Variants in WWP1 observed in about 807,000 individuals in gnomAD.
WWP1 encodes the protein WW domain containing E3 ubiquitin protein ligase 1, also known as NEDD4-like E3 ubiquitin-protein ligase WWP1.
Under a neutral mutation model 130.6 loss-of-function variants are expected in WWP1, and 49 were observed. The ratio of observed to expected loss-of-function variants is 0.38; its 90% CI spans 0.30 to 0.48. The LOEUF (loss-of-function observed/expected upper bound fraction) is 0.48, where lower values mean the gene tolerates loss of function less well. Among genes scored for constraint, WWP1 ranks in the 20% least tolerant of loss-of-function variants. The pLI is 0.99. For synonymous variants in WWP1, 332 were observed against 367.8 expected (o/e 0.90, Z 1.11); for missense variants, 809 against 1,100.6 (o/e 0.74, Z 3.75).
intron 5 of WWP1, among the ~76,000 whole-genome samples, chr8:86,384,736 C>G (rs1230906517): frequency 1.3e-5 from 2 of 152,048 alleles, no homozygotes; most frequent in African/African-American, 2.4e-5. Flanking sequence ...GGTGGTGGCT[C>G]ACACCTGTAA....
chr8:86,421,990 A>G (rs191801749), intron 9 of WWP1, among the ~76,000 whole-genome samples: 1 of 152,244 alleles, frequency 6.6e-6, no homozygotes, highest in Admixed American at 6.5e-5. Flanking sequence ...GTGCAGGACA[A>G]CTTATCAAAA....
At position 86,435,508 on chromosome 8, in the gene WWP1, A is replaced by G; in HGVS notation, c.1658A>G (p.His553Arg). 6.2e-7 allele frequency: 1 copy of G among 1,614,156 alleles called. No individual in the cohort carries two copies. Among genetic ancestry groups the G allele is most frequent in the Non-Finnish European group, 8.5e-7 (1 of 1,180,016 alleles). The change falls in exon 15 of 25, where the codon CAC becomes CGC. Residue 553 changes from histidine (H) to arginine (R), a missense_variant. Coordinates refer to ENST00000517970, the MANE Select transcript of WWP1 (RefSeq NM_007013.4). Reference sequence around the variant, plus strand: ...CGCGGCTTTAGGTGGAAGCTTGCTCACTTCCGTTATTTGTGCCAGGTACTA... The same window carrying G: ...CGCGGCTTTAGGTGGAAGCTTGCTCGCTTCCGTTATTTGTGCCAGGTACTA... The part of the protein sequence containing the change: ...YERGFRWKLA[H>R]FRYLCQSNAL...
At chr8:86,448,064 T>C in intron 18 of WWP1, 84 bp from the exon 19 acceptor site, 1 of 1,185,598 alleles carries the variant, frequency 8.4e-7, no homozygotes, top group Non-Finnish European at 1.2e-6. Context: ...ACTTGTGAAG[T>C]CTCATGATTT....
chr8:86,468,405 A>T lies in WWP1; in HGVS notation c.*1512A>T. 1 of 449,766 alleles carries T rather than the reference A, an allele frequency of 2.2e-6. No individual in the cohort carries two copies. Among genetic ancestry groups the T allele is most frequent in the Admixed American group, 2.4e-5 (1 of 40,986 alleles). 27.9% of individuals were successfully genotyped at this position (449,766 alleles called of 1,614,324 possible). On this transcript the variant is annotated 3_prime_UTR_variant, in exon 25 of 25. Coordinates refer to ENST00000517970, the MANE Select transcript of WWP1 (RefSeq NM_007013.4). ...CCTTTTCCAAATCCTTATTATGAAC[A>T]CTCTGGTAATTTTCAAGCCTAAAGA...
intron 18 of WWP1, among the ~76,000 whole-genome samples, chr8:86,444,777 T>C (rs558824142): frequency 6.6e-6 from 1 of 152,244 alleles, no homozygotes; most frequent in South Asian, 2.1e-4. Context: ...ACAGCAAATA[T>C]AAACAAGGAA....
At chr8:86,371,365 T>C (rs1164204636) in intron 2 of WWP1, among the ~76,000 whole-genome samples, 1 of 152,330 alleles carries the variant, frequency 6.6e-6, no homozygotes, top group African/African-American at 2.4e-5. Context: ...AAATTCAAAA[T>C]TACTCATTGA....
intron 1 of WWP1, among the ~76,000 whole-genome samples, chr8:86,359,622 G>A (rs1232827973): frequency 6.6e-6 from 1 of 151,774 alleles, no homozygotes; most frequent in Non-Finnish European, 1.5e-5. Flanking sequence ...AAATCTCAGA[G>A]TAAGAGCGGT....
chr8:86,423,226 T>A (rs1011126302), intron 9 of WWP1, among the ~76,000 whole-genome samples: 13 of 151,962 alleles, frequency 8.6e-5, no homozygotes, highest in Admixed American at 7.2e-4. Flanking sequence ...TTATTTATTT[T>A]ATTTATTTAT....
intron 1 of WWP1, among the ~76,000 whole-genome samples, chr8:86,355,328 CTG>C (rs1823189734): frequency 1.3e-5 from 2 of 152,176 alleles, no homozygotes; most frequent in East Asian, 1.9e-4. Flanking sequence ...TTAAGAAGCT[CTG>C]TGTTTCTGAG....
chr8:86,461,881 C>G (rs1482877050), intron 24 of WWP1, 35 bp downstream of exon 24: 3 of 1,525,480 alleles, frequency 2.0e-6, no homozygotes, highest in East Asian at 2.3e-5. Context: ...AAGGTGAAAG[C>G]CACAGAGAAT....
rs1281641543 is a variant in WWP1 at position 86,430,829 on chromosome 8, A to ATATATATATATATATATG, written c.1387+81_1387+82insATATATATATATATGTAT. 326 of 537,562 alleles carry ATATATATATATATATATG rather than the reference A, an allele frequency of 6.1e-4. 3 individuals are homozygous for ATATATATATATATATATG. The highest frequency in any genetic ancestry group is 1.1e-3 in the African/African-American group (49 of 43,074). The allele number at this position is 537,562 out of a possible 1,614,324, so 33.3% of individuals were successfully genotyped here. A position where few individuals can be genotyped will look rare whatever the true frequency, so the allele number is the denominator to read the frequency against. On this transcript the variant is annotated intron_variant, in intron 12 of 24. Transcript: ENST00000517970. ...TATATATATATATATATATATATAT[A>ATATATATATATATATATG]TATGTTCCTTATTTTATATATATAT...
chr8:86,370,686 A>G (rs570929500), intron 2 of WWP1, among the ~76,000 whole-genome samples: 1 of 152,240 alleles, frequency 6.6e-6, no homozygotes, highest in South Asian at 2.1e-4. Context: ...CTTCTTTGTC[A>G]TAAGGAGTTG....
At position 86,381,611 on chromosome 8, in the gene WWP1, T is replaced by G. The variant is rs1824992589; in HGVS notation, c.316T>G (p.Leu106Val). ...AACGATAGATTTGAAACAAGCTCTG[T>G]TGATACACAATAGAAAATGTAAGTT... ...KATIDLKQAL[L>V]IHNRKLERVK... Residue 106 changes from leucine (L) to valine (V), a missense_variant, in exon 5 of 25, where the codon TTG becomes GTG. Physicochemically the swap from Leu to Val is conservative, Grantham distance 32. Coordinates refer to ENST00000517970, the MANE Select transcript of WWP1 (RefSeq NM_007013.4). The G allele has an allele frequency of 6.3e-7, 1 of 1,595,364 alleles. No individual in the cohort carries two copies. Among genetic ancestry groups the G allele is most frequent in the African/African-American group, 1.4e-5 (1 of 73,832 alleles).
chr8:86,411,445 G>C, intron 8 of WWP1, 93 bp from the exon 9 acceptor site: 1 of 1,105,178 alleles, frequency 9.0e-7, no homozygotes, highest in Non-Finnish European at 1.3e-6. Flanking sequence ...TGCTTAGTCT[G>C]GATTAGGCTC....
At chr8:86,430,327 G>A (rs1809866754) in intron 11 of WWP1, among the ~76,000 whole-genome samples, 1 of 152,092 alleles carries the variant, frequency 6.6e-6, no homozygotes, top group Non-Finnish European at 1.5e-5. Context: ...GTGCAGGCTG[G>A]AGTGCAGTAG....
chr8:86,451,685 G>A (rs755550054), intron 20 of WWP1, among the ~76,000 whole-genome samples: 2 of 152,164 alleles, frequency 1.3e-5, no homozygotes, highest in Non-Finnish European at 2.9e-5. Context: ...AAAGCAAAAA[G>A]AAGAGTTAGA....
chr8:86,439,764 C>T (rs548412832), intron 17 of WWP1, among the ~76,000 whole-genome samples: 48 of 152,116 alleles, frequency 3.2e-4, no homozygotes, highest in Non-Finnish European at 2.5e-4. Flanking sequence ...TTTGTTCTGC[C>T]CCAGCCTAAT....
At chr8:86,383,177 A>G (rs1210743947) in intron 5 of WWP1, among the ~76,000 whole-genome samples, 2 of 81,892 alleles carry the variant, frequency 2.4e-5, no homozygotes, top group African/African-American at 1.2e-4. Flanking sequence ...CTGCTATGCC[A>G]TGGCATTTTT....
intron 24 of WWP1, among the ~76,000 whole-genome samples, chr8:86,465,637 G>GA (rs1812047098): frequency 1.3e-5 from 2 of 152,078 alleles, no homozygotes; most frequent in African/African-American, 2.4e-5. Flanking sequence ...ATAATCAGGA[G>GA]AAAAAATGGA....
Sources: gnomAD v4.1 joint callset for allele counts (sites outside exome capture counted in the v4.1 genomes callset) on GRCh38, gnomAD v4.1.1 for gene constraint, MANE v1.5 for transcripts, NCBI Gene and HGNC (gene_info 2026-07-23, HGNC 2026-07-21) for gene names.